PAG1: variants seen among roughly 807,000 people sequenced by gnomAD.
PAG1 encodes phosphoprotein associated with glycosphingolipid-enriched microdomains 1.
Under a neutral mutation model 31.7 loss-of-function variants are expected in PAG1, and 23 were observed. The ratio of observed to expected loss-of-function variants is 0.73; its 90% confidence interval spans 0.52 to 1.03. The LOEUF (loss-of-function observed/expected upper bound fraction) is 1.03, where lower values mean the gene tolerates loss of function less well. PAG1 is among the 50% of genes least tolerant of loss of function. The pLI is 0.00. For synonymous variants in PAG1, 214 were observed against 210.3 expected (o/e 1.02, Z -0.15); for missense variants, 473 against 540.7 (o/e 0.87, Z 1.24).
intron 2 of PAG1, among the ~76,000 whole-genome samples, chr8:81,054,547 G>A: frequency 6.6e-6 from 1 of 152,030 alleles, no homozygotes. Context: ...GTGGTGGCAG[G>A]CGCCTGTAGT....
chr8:80,981,263 G>T (rs374954830), intron 7 of PAG1, among the ~76,000 whole-genome samples: 2 of 151,886 alleles, frequency 1.3e-5, no homozygotes, highest in South Asian at 2.1e-4. Flanking sequence ...CTGTAACCCA[G>T]TTCCAATGCT....
At chr8:80,995,342 G>A (rs768737913) in intron 3 of PAG1, among the ~76,000 whole-genome samples, 3 of 152,210 alleles carry the variant, frequency 2.0e-5, no homozygotes, top group Non-Finnish European at 4.4e-5. Context: ...TATTGTGCCT[G>A]TAAACACGAC....
chr8:81,101,855 A>AT (rs1412188551), intron 1 of PAG1, among the ~76,000 whole-genome samples: 6 of 152,300 alleles, frequency 3.9e-5, no homozygotes, highest in African/African-American at 1.4e-4. Flanking sequence ...ATAAAATTCA[A>AT]TAAGAATAAG....
chr8:81,025,443 G>C (rs1160051392), intron 3 of PAG1, among the ~76,000 whole-genome samples: 1 of 152,164 alleles, frequency 6.6e-6, no homozygotes, highest in East Asian at 1.9e-4. Flanking sequence ...TCCACTTTGG[G>C]AAGTTCTGTG....
At chr8:81,093,094 C>T (rs1395300625) in intron 1 of PAG1, among the ~76,000 whole-genome samples, 2 of 152,130 alleles carry the variant, frequency 1.3e-5, no homozygotes, top group South Asian at 2.1e-4. Flanking sequence ...CTAAAAACAA[C>T]AACAAAACAG....
intron 3 of PAG1, among the ~76,000 whole-genome samples, chr8:81,019,920 C>A (rs1474647075): frequency 5.3e-5 from 8 of 152,152 alleles, no homozygotes; most frequent in Non-Finnish European, 2.9e-5. Context: ...TGGGGATGTA[C>A]CCTGAAAAGC....
chr8:81,109,211 A>G (rs1209016378), intron 1 of PAG1, among the ~76,000 whole-genome samples: 2 of 152,286 alleles, frequency 1.3e-5, no homozygotes, highest in African/African-American at 4.8e-5. Flanking sequence ...TTTAACAATA[A>G]TTATGATCAT....
chr8:80,988,072 A>G (rs560013373), intron 5 of PAG1, among the ~76,000 whole-genome samples: 1 of 152,324 alleles, frequency 6.6e-6, no homozygotes, highest in African/African-American at 2.4e-5. Context: ...TCTATTAGAC[A>G]CTGTTGTCCC....
At chr8:81,081,895 G>A (rs1468537299) in intron 1 of PAG1, among the ~76,000 whole-genome samples, 2 of 152,170 alleles carry the variant, frequency 1.3e-5, no homozygotes, top group Admixed American at 6.5e-5. Flanking sequence ...TTAATACACA[G>A]GTTTTTGTGA....
intron 2 of PAG1, among the ~76,000 whole-genome samples, chr8:81,052,362 G>A (rs1227221228): frequency 6.6e-6 from 1 of 152,106 alleles, no homozygotes; most frequent in Admixed American, 6.6e-5. Context: ...GAGTGAAATT[G>A]TAAGTTCAGT....
Position 81,103,538 on chromosome 8 carries a change from A to G in PAG1, c.-234+8053T>C, listed in dbSNP as rs559343914. On this transcript the variant is annotated intron_variant, in intron 1 of 8. Transcript: ENST00000220597. ...GACAAACGTTTGAGGACTGAAAGGCATAATATTTAACTAAAACATACGGTA... is the reference window on the plus strand; with the variant it reads ...GACAAACGTTTGAGGACTGAAAGGCGTAATATTTAACTAAAACATACGGTA... Among the ~76,000 whole-genome samples the G allele has an allele frequency of 4.6e-5, 7 of 152,330 alleles. No individual in the cohort carries two copies. The East Asian group carries it at 1.3e-3, about 29-fold the overall frequency.
chr8:80,986,059 C>T (rs1312739657), intron 6 of PAG1, among the ~76,000 whole-genome samples: 1 of 152,230 alleles, frequency 6.6e-6, no homozygotes, highest in African/African-American at 2.4e-5. Flanking sequence ...GCCTGCCATG[C>T]ACCAGGGATG....
At chr8:81,054,715 T>G (rs1026785025) in intron 2 of PAG1, among the ~76,000 whole-genome samples, 3 of 151,994 alleles carry the variant, frequency 2.0e-5, no homozygotes, top group Non-Finnish European at 2.9e-5. Flanking sequence ...TTCCTATCAA[T>G]CCTCAGAATG....
chr8:81,013,848 G>C (rs1280397842), intron 3 of PAG1, among the ~76,000 whole-genome samples: 1 of 152,080 alleles, frequency 6.6e-6, no homozygotes, highest in Non-Finnish European at 1.5e-5. Flanking sequence ...CCAAAGTTCT[G>C]GGATTACAGG....
intron 7 of PAG1, among the ~76,000 whole-genome samples, chr8:80,982,544 A>G (rs1309028999): frequency 1.3e-5 from 2 of 152,126 alleles, no homozygotes; most frequent in African/African-American, 4.8e-5. Context: ...TGACTTTTAA[A>G]ACCACATTCT....
chr8:80,969,692 G>C lies in PAG1; in HGVS notation c.*6852C>G, dbSNP rs1807036767. On this transcript the variant is annotated 3_prime_UTR_variant, in exon 9 of 9. Transcript: ENST00000220597. Reference sequence around the variant, plus strand: ...TAAATGTATAAAGAGAATGAGCAGAGATATCTGTTCTGCTAATTTTGAAAA... The same window carrying C: ...TAAATGTATAAAGAGAATGAGCAGACATATCTGTTCTGCTAATTTTGAAAA... 2 of 152,172 alleles carry C rather than the reference G, an allele frequency of 1.3e-5. No homozygotes were observed. The highest frequency in any genetic ancestry group is 1.3e-4 in the Admixed American group (2 of 15,276). The allele number at this position is 152,172 out of a possible 1,614,324, so 9.4% of individuals were successfully genotyped here.
At chr8:81,077,976 C>T (rs961468784) in intron 1 of PAG1, among the ~76,000 whole-genome samples, 2 of 152,146 alleles carry the variant, frequency 1.3e-5, no homozygotes, top group African/African-American at 4.8e-5. Context: ...ATCAAACCCA[C>T]GTAAATGAAA....
chr8:81,017,727 C>T (rs950675947), intron 3 of PAG1, among the ~76,000 whole-genome samples: 5 of 152,198 alleles, frequency 3.3e-5, no homozygotes, highest in African/African-American at 9.7e-5. Flanking sequence ...CTTGCTTGTT[C>T]TCAAGGCCTG....
At chr8:81,008,277 T>C (rs933076375) in intron 3 of PAG1, among the ~76,000 whole-genome samples, 10 of 152,164 alleles carry the variant, frequency 6.6e-5, no homozygotes, top group African/African-American at 2.4e-4. Context: ...TTATACTTAA[T>C]AAATTGCCAT....
Sources: gnomAD v4.1 joint callset for allele counts (sites outside exome capture counted in the v4.1 genomes callset) on GRCh38, gnomAD v4.1.1 for gene constraint, MANE v1.5 for transcripts, NCBI Gene and HGNC (gene_info 2026-07-23, HGNC 2026-07-21) for gene names.